The following TCF12 variants were observed in gnomAD, a reference collection of about 807,000 sequenced individuals.
TCF12 encodes the protein transcription factor 12.
A neutral mutation model predicts 86.0 loss-of-function variants in TCF12; 45 were observed. The ratio of observed to expected loss-of-function variants is 0.52; its 90% CI spans 0.41 to 0.67. The LOEUF is 0.67. TCF12 is among the 30% of genes least tolerant of loss of function. The pLI, the probability that TCF12 is intolerant of heterozygous loss-of-function variation, is 0.00. For synonymous variants in TCF12, 330 were observed against 299.6 expected, an observed-to-expected ratio of 1.10 and a Z score of -1.05; for missense variants, 881 against 859.9, an observed-to-expected ratio of 1.02 and a Z score of -0.31.
intron 5 of TCF12, among the ~76,000 whole-genome samples, chr15:57,108,306 C>A (rs1328845165): frequency 6.6e-6 from 1 of 152,052 alleles, no homozygotes; most frequent in African/African-American, 2.4e-5. Flanking sequence ...TAGGGCTGAT[C>A]CCTATCACCT....
intron 8 of TCF12, among the ~76,000 whole-genome samples, chr15:57,201,044 C>CA (rs1375291191): frequency 6.6e-6 from 1 of 151,798 alleles, no homozygotes; most frequent in Non-Finnish European, 1.5e-5. Context: ...AATAAATAAC[C>CA]AAAAAAGAAT....
At chr15:57,035,459 A>G (rs910823635) in intron 3 of TCF12, among the ~76,000 whole-genome samples, 4 of 152,022 alleles carry the variant, frequency 2.6e-5, no homozygotes, top group African/African-American at 7.2e-5. Flanking sequence ...TAGAGACGGG[A>G]TCTCACTATG....
intron 5 of TCF12, among the ~76,000 whole-genome samples, chr15:57,092,928 A>G (rs2049082470): frequency 1.3e-5 from 2 of 152,318 alleles, no homozygotes; most frequent in South Asian, 4.1e-4. Context: ...CAATTTATTT[A>G]AAATGATTTG....
intron 8 of TCF12, among the ~76,000 whole-genome samples, chr15:57,211,683 G>A (rs2058105195): frequency 6.6e-6 from 1 of 152,198 alleles, no homozygotes; most frequent in South Asian, 2.1e-4. Flanking sequence ...GCTGGGCATG[G>A]TGGCCCATGC....
At chr15:57,261,765 T>TATATAGGAGTATTAATAGACCC (rs6145574) in intron 16 of TCF12, among the ~76,000 whole-genome samples, 1 of 151,760 alleles carries the variant, frequency 6.6e-6, no homozygotes, top group African/African-American at 2.4e-5. Context: ...TCAGATTGAT[T>TATATAGGAGTATTAATAGACCC]TATAATACGT....
chr15:56,937,219 T>G (rs1178352500), intron 3 of TCF12, among the ~76,000 whole-genome samples: 1 of 152,150 alleles, frequency 6.6e-6, no homozygotes, highest in African/African-American at 2.4e-5. Flanking sequence ...AAGTATTAAA[T>G]TTTTTTGGCT....
intron 5 of TCF12, among the ~76,000 whole-genome samples, chr15:57,131,025 G>A (rs558642794): frequency 6.6e-5 from 10 of 152,216 alleles, no homozygotes; most frequent in African/African-American, 1.7e-4. Context: ...TAGTTAAAAA[G>A]CAAGGGTTCC....
intron 3 of TCF12, among the ~76,000 whole-genome samples, chr15:56,965,257 G>T (rs1240205944): frequency 6.6e-6 from 1 of 151,822 alleles, no homozygotes; most frequent in African/African-American, 2.4e-5. Context: ...TTTTTCCCAA[G>T]AAGTAAATAT....
intron 18 of TCF12, among the ~76,000 whole-genome samples, chr15:57,271,157 A>T (rs2061122857): frequency 6.6e-6 from 1 of 152,182 alleles, no homozygotes; most frequent in African/African-American, 2.4e-5. Context: ...TTTTGTTCAG[A>T]TACGCCCTGC....
At chr15:57,060,111 T>G (rs976216296) in intron 3 of TCF12, among the ~76,000 whole-genome samples, 17 of 152,368 alleles carry the variant, frequency 1.1e-4, no homozygotes, top group African/African-American at 3.6e-4. Flanking sequence ...ACTTGAATTT[T>G]ACCTTTCTAT....
chr15:56,976,857 A>G lies in TCF12; in HGVS notation c.148+55759A>G, dbSNP rs2439924. Among the ~76,000 whole-genome samples, 1,286 of 152,330 alleles carry G rather than the reference A, an allele frequency of 8.4e-3. 27 individuals carry two copies. The highest frequency in any genetic ancestry group is 0.029 in the African/African-American group (1,218 of 41,574). On this transcript the variant is annotated intron_variant, in intron 3 of 20. Coordinates refer to ENST00000333725, the MANE Select transcript of TCF12 (RefSeq NM_207037.2). ...AAAAATTGAGATTGTGGGACACTGT[A>G]TAGCACAGACAACTAGTTTCTTCCT...
chr15:57,192,440 A>G (rs2057033123), intron 7 of TCF12, 147 bp downstream of exon 7: 3 of 1,159,124 alleles, frequency 2.6e-6, no homozygotes, highest in African/African-American at 3.1e-5. Flanking sequence ...CCATGCAGGA[A>G]TGCAACAGCA....
At chr15:57,278,643 C>CA (rs1270129923) in intron 19 of TCF12, 1 of 212,524 alleles carries the variant, frequency 4.7e-6, no homozygotes, top group Non-Finnish European at 9.9e-6. Flanking sequence ...CGTGAACACC[C>CA]AATCATCATG....
chr15:57,020,594 C>T (rs927929761), intron 3 of TCF12, among the ~76,000 whole-genome samples: 1 of 152,132 alleles, frequency 6.6e-6, no homozygotes. Context: ...TGTAGAGAAC[C>T]ATTATGTCTT....
At chr15:57,024,181 A>T (rs1342340144) in intron 3 of TCF12, among the ~76,000 whole-genome samples, 1 of 151,666 alleles carries the variant, frequency 6.6e-6, no homozygotes, top group Non-Finnish European at 1.5e-5. Flanking sequence ...GGCAAAGTGC[A>T]AAACTAATCT....
chr15:57,227,833 T>C (rs1159932810), intron 8 of TCF12, among the ~76,000 whole-genome samples: 1 of 152,118 alleles, frequency 6.6e-6, no homozygotes, highest in African/African-American at 2.4e-5. Flanking sequence ...TACCACATTT[T>C]AATAGAACAT....
Position 57,262,197 on chromosome 15 carries a change from A to C in TCF12, c.1571A>C (p.Glu524Ala). Reference sequence around the variant, plus strand: ...ACAGACCTGAACCATAAAACACAAGAAAATTATAGAGGTAACTATATTGTT... The same window carrying C: ...ACAGACCTGAACCATAAAACACAAGCAAATTATAGAGGTAACTATATTGTT... ...SSTDLNHKTQ[E>A]NYRGGLQSQS... The change falls in exon 17 of 21, where the codon GAA becomes GCA. Residue 524 changes from glutamate (E) to alanine (A), a missense_variant. Around this residue, in one of 3 missense-constraint regions of TCF12, gnomAD observed 766 missense variants for 718.9 expected, o/e 1.07. Coordinates refer to ENST00000333725, the MANE Select transcript of TCF12 (RefSeq NM_207037.2). The C allele has an allele frequency of 6.2e-7, 1 of 1,606,232 alleles. No individual in the cohort carries two copies. Among genetic ancestry groups the C allele is most frequent in the Admixed American group, 1.7e-5 (1 of 59,788 alleles).
chr15:57,267,086 T>C (rs2060905544), intron 18 of TCF12, among the ~76,000 whole-genome samples: 1 of 152,350 alleles, frequency 6.6e-6, no homozygotes, highest in African/African-American at 2.4e-5. Context: ...ATATTTGTGG[T>C]ACACCCTATT....
chr15:57,275,951 C>A (rs1031517235), intron 19 of TCF12, among the ~76,000 whole-genome samples: 16 of 152,156 alleles, frequency 1.1e-4, no homozygotes, highest in Non-Finnish European at 1.9e-4. Flanking sequence ...GTCCCCACTG[C>A]CAGTTTAAGC....
Sources: allele counts gnomAD v4.1 joint callset (sites outside exome capture counted in the v4.1 genomes callset), GRCh38; gene constraint gnomAD v4.1.1; regional missense constraint gnomAD v4.1.1; transcripts MANE v1.5; gene names NCBI Gene and HGNC (gene_info 2026-07-23, HGNC 2026-07-21).